SRSF3: variants seen among roughly 807,000 people sequenced by gnomAD.
SRSF3 encodes the protein serine/arginine-rich splicing factor 3.
For synonymous variants in SRSF3, 87 were observed against 73.6 expected, an observed-to-expected ratio of 1.18 and a Z score of -0.93; for missense variants, 58 against 217.1, an observed-to-expected ratio of 0.27 and a Z score of 4.61.
At chr6:36,599,336 G>C in intron 3 of SRSF3, 1 of 216,216 alleles carries the variant, frequency 4.6e-6, no homozygotes, top group Non-Finnish European at 9.4e-6. Context: ...ACAAATTTGT[G>C]TTTTCTACTA....
chr6:36,601,497 A>ACTG, intron 4 of SRSF3: 2 of 578,676 alleles, frequency 3.5e-6, no homozygotes, highest in Non-Finnish European at 6.1e-6. Flanking sequence ...ACAGGCAAGT[A>ACTG]CTGCCATACC....
intron 2 of SRSF3, 25 bp from the exon 3 acceptor site, chr6:36,598,824 A>C (rs1339751683): frequency 6.2e-7 from 1 of 1,607,740 alleles, no homozygotes; most frequent in East Asian, 2.2e-5. Context: ...AGGCTGTTTT[A>C]AGTTTAATAT....
At chr6:36,601,092 A>G in intron 3 of SRSF3, 60 bp from the exon 4 acceptor site, 1 of 1,511,948 alleles carries the variant, frequency 6.6e-7, no homozygotes, top group Non-Finnish European at 9.0e-7. Context: ...AAGTTGGGAA[A>G]TGCCTCACGC....
chr6:36,601,412 T>C lies in SRSF3; in HGVS notation c.380+222T>C, dbSNP rs1386785382. On this transcript the variant is annotated intron_variant, in intron 4 of 5. Transcript: ENST00000373715. ...CCCAGGCTGGAGTGCAGTGGTGTGA[T>C]TATAGCTCACTGTAGCCTTTAACTC... 4 of 592,988 alleles carry C rather than the reference T, an allele frequency of 6.7e-6. No individual in the cohort carries two copies. The Admixed American group carries it at 1.2e-4, about 18-fold the overall frequency. 36.7% of individuals were successfully genotyped at this position (592,988 alleles called of 1,614,324 possible).
At position 36,604,371 on chromosome 6, in the gene SRSF3, A is replaced by AG. The variant is rs1352593543; in HGVS notation, c.*2385dup. The AG allele has an allele frequency of 5.2e-6, 1 of 192,378 alleles. No individual in the cohort carries two copies. Among genetic ancestry groups the AG allele is most frequent in the African/African-American group, 2.3e-5 (1 of 43,014 alleles). 11.9% of individuals were successfully genotyped at this position (192,378 alleles called of 1,614,324 possible). On this transcript the variant is annotated 3_prime_UTR_variant, in exon 6 of 6. Coordinates refer to ENST00000373715, the MANE Select transcript of SRSF3 (RefSeq NM_003017.5). Reference sequence around the variant, plus strand: ...GTAATTCCTAGCACTTTGGGAGGCTAGGGCGGGTGGGAGGATCTCTTGAAG... The same window carrying AG: ...GTAATTCCTAGCACTTTGGGAGGCTAGGGGCGGGTGGGAGGATCTCTTGAAG...
At chr6:36,595,500 C>G (rs1778612012) in intron 1 of SRSF3, among the ~76,000 whole-genome samples, 1 of 152,208 alleles carries the variant, frequency 6.6e-6, no homozygotes, top group Middle Eastern at 3.2e-3. Flanking sequence ...CTCCCAGATT[C>G]CCTGTCCCCC....
At chr6:36,598,071 T>C (rs1027641055) in intron 2 of SRSF3, among the ~76,000 whole-genome samples, 1 of 152,156 alleles carries the variant, frequency 6.6e-6, no homozygotes, top group African/African-American at 2.4e-5. Flanking sequence ...CTGTCTTGTC[T>C]TGAACTGATT....
At chr6:36,601,892 GAT>G in intron 5 of SRSF3, 68 bp from the exon 6 acceptor site, 1 of 1,584,964 alleles carries the variant, frequency 6.3e-7, no homozygotes, top group Non-Finnish European at 8.5e-7. Context: ...GTTCTATTTC[GAT>G]ATGTCACTAA....
chr6:36,600,155 C>T (rs1778690713), intron 3 of SRSF3: 6 of 1,074,294 alleles, frequency 5.6e-6, no homozygotes, highest in Non-Finnish European at 6.8e-6. Context: ...ATCCACAACA[C>T]CCCCTTCGCC....
intron 2 of SRSF3, 95 bp downstream of exon 2, chr6:36,597,063 A>C (rs1293520350): frequency 2.0e-6 from 2 of 996,754 alleles, no homozygotes; most frequent in Non-Finnish European, 3.1e-6. Flanking sequence ...TTTCCCAATC[A>C]CTGGCCAATT....
In SRSF3 at chr6:36,603,394, A is replaced by C. The variant is rs935495999; in HGVS notation, c.*1405A>C. 4.5e-6 allele frequency: 1 copy of C among 223,886 alleles called. No homozygotes were observed. Among genetic ancestry groups the C allele is most frequent in the South Asian group, 1.8e-4 (1 of 5,446 alleles). The allele number at this position is 223,886 out of a possible 1,614,324, so 13.9% of individuals were successfully genotyped here. A position where few individuals can be genotyped will look rare whatever the true frequency, so the allele number is the denominator to read the frequency against. Reference sequence around the variant, plus strand: ...GAAAATGGCAGGTGTTGTAATTTCAAATTTTTGTGCAATTAGATTAAATCA... The same window carrying C: ...GAAAATGGCAGGTGTTGTAATTTCACATTTTTGTGCAATTAGATTAAATCA... On this transcript the variant is annotated 3_prime_UTR_variant, in exon 6 of 6. Transcript: ENST00000373715.
Position 36,601,700 on chromosome 6 carries a change from T to C in SRSF3, c.381-8T>C, listed in dbSNP as rs997704675. ...CTCATTGGTCCTAATGTTTTTTTGCTTGTTTAGGTCCCTTTCTAGAGATAG... is the reference window on the plus strand; with the variant it reads ...CTCATTGGTCCTAATGTTTTTTTGCCTGTTTAGGTCCCTTTCTAGAGATAG... On this transcript the variant is annotated splice_region_variant and splice_polypyrimidine_tract_variant and intron_variant, in intron 4 of 5. Coordinates refer to ENST00000373715, the MANE Select transcript of SRSF3 (RefSeq NM_003017.5). 12 of 1,588,256 alleles carry C rather than the reference T, an allele frequency of 7.6e-6. No homozygotes were observed. Among genetic ancestry groups the C allele is most frequent in the Non-Finnish European group, 1.0e-5 (12 of 1,160,444 alleles).
chr6:36,601,252 CT>C, intron 4 of SRSF3, 62 bp downstream of exon 4: 2 of 1,567,550 alleles, frequency 1.3e-6, no homozygotes, highest in South Asian at 2.2e-5. Context: ...TATTCCTAAA[CT>C]TTTCCAGGTG....
rs934979565 is a variant in SRSF3, at chr6:36,603,874, G to T, written c.*1885G>T. The T allele has an allele frequency of 9.5e-5, 22 of 231,040 alleles. No individual in the cohort carries two copies. Among genetic ancestry groups the T allele is most frequent in the African/African-American group, 4.2e-4 (19 of 45,224 alleles). 14.3% of individuals were successfully genotyped at this position (231,040 alleles called of 1,614,324 possible). On this transcript the variant is annotated 3_prime_UTR_variant, in exon 6 of 6. Transcript: ENST00000373715. ...ATATGACTTCCTTGCAGGCTCTTAA[G>T]TTGGAAGGGTTTCTGTAAAAAGGAC...
In SRSF3 at chr6:36,601,001, C is replaced by CTTTTTTTT. The variant is rs775227806; in HGVS notation, c.342-133_342-126dup. The stretch of plus-strand genomic sequence containing the variant: ...GCCTTTTTTTTCTTTTCTTTTTTTT[C>CTTTTTTTT]TTTTTTTTTTTTTTTTTTTTTTTTT... On this transcript the variant is annotated intron_variant, in intron 3 of 5. Coordinates refer to ENST00000373715, the MANE Select transcript of SRSF3 (RefSeq NM_003017.5). 560 of 86,462 alleles carry CTTTTTTTT rather than the reference C, an allele frequency of 6.5e-3. 84 individuals are homozygous for CTTTTTTTT. Among genetic ancestry groups the CTTTTTTTT allele is most frequent in the African/African-American group, 0.01 (146 of 13,906 alleles). The allele number at this position is 86,462 out of a possible 1,614,324, so 5.4% of individuals were successfully genotyped here.
chr6:36,599,748 G>A lies in SRSF3; in HGVS notation c.341+765G>A. ...AGTATTTGTTAGCTAATAGATGGTTGTACTGATGGCTTGTTTTTCATTTTT... is the reference window on the plus strand; with the variant it reads ...AGTATTTGTTAGCTAATAGATGGTTATACTGATGGCTTGTTTTTCATTTTT... On this transcript the variant is annotated intron_variant, in intron 3 of 5. Coordinates refer to ENST00000373715, the MANE Select transcript of SRSF3 (RefSeq NM_003017.5). 6.2e-6 allele frequency: 7 copies of A among 1,125,168 alleles called. No individual in the cohort carries two copies. The Admixed American group carries it at 1.4e-4, about 22-fold the overall frequency. 69.7% of individuals were successfully genotyped at this position (1,125,168 alleles called of 1,614,324 possible). A position where few individuals can be genotyped will look rare whatever the true frequency, so the allele number is the denominator to read the frequency against.
chr6:36,595,366 TA>T (rs1163278537), intron 1 of SRSF3, among the ~76,000 whole-genome samples: 5 of 152,242 alleles, frequency 3.3e-5, no homozygotes, highest in African/African-American at 1.2e-4. Context: ...AATTTTTTAT[TA>T]AAGTGAAATT....
Position 36,597,903 on chromosome 6 carries a change from C to T in SRSF3, c.206+935C>T, listed in dbSNP as rs1778658676. ...AATACAGACGACAGTCTGTGTTGCC[C>T]AGGCTGGCCTCAAGCTCCTGGGCTC... On this transcript the variant is annotated intron_variant, in intron 2 of 5. Transcript: ENST00000373715. 1.3e-5 allele frequency among the ~76,000 whole-genome samples: 2 copies of T among 151,408 alleles called. 1 individual carries two copies. Among genetic ancestry groups the T allele is most frequent in the African/African-American group, 4.9e-5 (2 of 41,110 alleles).
chr6:36,596,399 T>C (rs984309710), intron 1 of SRSF3, among the ~76,000 whole-genome samples: 1 of 152,138 alleles, frequency 6.6e-6, no homozygotes, highest in Non-Finnish European at 1.5e-5. Context: ...TCTGTTTTTC[T>C]AGAAATGCTT....
Sources: gnomAD v4.1 joint callset for allele counts (sites outside exome capture counted in the v4.1 genomes callset) on GRCh38, gnomAD v4.1.1 for gene constraint, MANE v1.5 for transcripts, NCBI Gene and HGNC (gene_info 2026-07-23, HGNC 2026-07-21) for gene names.